Variants in LAMB1 observed in about 807,000 individuals in gnomAD.
LAMB1 encodes laminin subunit beta 1, also known as laminin subunit beta-1.
Under a neutral mutation model 222.3 loss-of-function variants are expected in LAMB1, and 121 were observed. The observed-to-expected ratio is 0.54, with a 90% CI of 0.47 to 0.63. LAMB1 has a LOEUF of 0.63. Ranked by LOEUF, LAMB1 falls within the 30% of genes least tolerant of loss-of-function variation. The pLI, the probability that LAMB1 is intolerant of heterozygous loss-of-function variation, is 0.00. For synonymous variants in LAMB1, 794 were observed against 807.2 expected, an observed-to-expected ratio of 0.98 and a Z score of 0.28; for missense variants, 2,172 against 2,240.8, an observed-to-expected ratio of 0.97 and a Z score of 0.62.
chr7:107,966,786 G>A (rs1338170001), intron 13 of LAMB1, among the ~76,000 whole-genome samples: 4 of 152,186 alleles, frequency 2.6e-5, no homozygotes, highest in Admixed American at 6.5e-5. Context: ...GGACAAAGGC[G>A]CCAGCAGGCT....
intron 2 of LAMB1, chr7:108,002,403 A>G (rs537217326): frequency 2.3e-6 from 3 of 1,314,268 alleles, no homozygotes; most frequent in Admixed American, 4.8e-5. Flanking sequence ...ATCCGGAGAC[A>G]AACAGAGATG....
intron 14 of LAMB1, 137 bp downstream of exon 14, chr7:107,964,415 C>T: frequency 1.0e-6 from 1 of 995,828 alleles, no homozygotes; most frequent in Non-Finnish European, 1.5e-6. Flanking sequence ...CTCAGGAAGG[C>T]ATGGTCCTGA....
rs1231099629 is a variant in LAMB1 at position 107,952,001 on chromosome 7, C to T, written c.3294+8G>A. The stretch of plus-strand genomic sequence containing the variant: ...ATAAAGGCATCATCCCCAGCAGCAG[C>T]CCCTCACCTCATTGCAAGATGGCCC... On this transcript the variant is annotated splice_region_variant and intron_variant, in intron 23 of 33. Coordinates refer to ENST00000222399, the MANE Select transcript of LAMB1 (RefSeq NM_002291.3). 8.1e-6 allele frequency: 13 copies of T among 1,603,576 alleles called. No individual in the cohort carries two copies. In the Admixed American group the frequency reaches 2.2e-4, roughly 27 times the overall value.
chr7:108,001,669 G>A lies in LAMB1; in HGVS notation c.102C>T (p.Ser34=). ...GAAGGTCGCCCGTGGCGGGATAGCAGCTGCCTTCTGCGCAGCCGTAGCTGA... is the reference window on the plus strand; with the variant it reads ...GAAGGTCGCCCGTGGCGGGATAGCAACTGCCTTCTGCGCAGCCGTAGCTGA... ...PEFSYGCAEG[S]CYPATGDLLI... Residue 34 remains serine (S), a synonymous_variant, in exon 3 of 34, where the codon AGC becomes AGT. Transcript: ENST00000222399. The A allele has an allele frequency of 6.2e-7, 1 of 1,612,340 alleles. No individual in the cohort carries two copies. Among genetic ancestry groups the A allele is most frequent in the Non-Finnish European group, 8.5e-7 (1 of 1,179,700 alleles).
At chr7:107,935,353 T>TTG in intron 27 of LAMB1, 62 bp downstream of exon 27, 1 of 428,068 alleles carries the variant, frequency 2.3e-6, no homozygotes, top group Non-Finnish European at 3.0e-6. Context: ...CTTTGTTTTT[T>TTG]TTTTTTTTTT....
At chr7:107,972,948 T>C in intron 13 of LAMB1, 44 bp downstream of exon 13, 1 of 1,472,768 alleles carries the variant, frequency 6.8e-7, no homozygotes, top group Non-Finnish European at 9.5e-7. Context: ...GTCATGACTT[T>C]CCTGGAAGAC....
intron 32 of LAMB1, 107 bp downstream of exon 32, chr7:107,926,076 A>G (rs1243130559): frequency 1.0e-5 from 8 of 790,350 alleles, no homozygotes; most frequent in Non-Finnish European, 1.6e-5. Context: ...GATATTTCTG[A>G]TGAATTCTGT....
intron 3 of LAMB1, 79 bp downstream of exon 3, chr7:108,001,479 G>A: frequency 1.4e-6 from 2 of 1,412,592 alleles, no homozygotes; most frequent in Admixed American, 2.7e-5. Flanking sequence ...GGAAGGATGC[G>A]GAGTCCCCAG....
intron 7 of LAMB1, among the ~76,000 whole-genome samples, chr7:107,983,572 A>C (rs1274156474): frequency 1.6e-5 from 1 of 62,146 alleles, no homozygotes; most frequent in African/African-American, 7.1e-5. Flanking sequence ...TTTTTTTTTG[A>C]GACAGAGTCT....
chr7:107,945,862 TG>T (rs1318960930), intron 24 of LAMB1, among the ~76,000 whole-genome samples: 2 of 152,238 alleles, frequency 1.3e-5, no homozygotes, highest in Non-Finnish European at 2.9e-5. Flanking sequence ...CCTTCCCTAA[TG>T]ACTCCATTTC....
intron 4 of LAMB1, among the ~76,000 whole-genome samples, chr7:107,996,413 C>T (rs982210008): frequency 6.6e-6 from 1 of 152,176 alleles, no homozygotes; most frequent in Non-Finnish European, 1.5e-5. Flanking sequence ...AATAGTCGTA[C>T]ATTCCAAGCT....
Position 107,980,589 on chromosome 7 carries a change from T to C in LAMB1, c.879+20A>G. 2 of 1,592,432 alleles carry C rather than the reference T, an allele frequency of 1.3e-6. No homozygotes were observed. Among genetic ancestry groups the C allele is most frequent in the Non-Finnish European group, 1.7e-6 (2 of 1,161,206 alleles). ...TTACCAGCCACATAAAGGAGAAAGG[T>C]GCACAGAGGGCTTACTTACCATTCC... On this transcript the variant is annotated intron_variant, in intron 8 of 33. Coordinates refer to ENST00000222399, the MANE Select transcript of LAMB1 (RefSeq NM_002291.3).
At chr7:108,000,631 C>T (rs571799727) in intron 3 of LAMB1, among the ~76,000 whole-genome samples, 2 of 152,340 alleles carry the variant, frequency 1.3e-5, no homozygotes, top group African/African-American at 4.8e-5. Context: ...GCAGCCTCGA[C>T]CTACTGGGCT....
rs772311749 is a variant in LAMB1 at position 107,994,938 on chromosome 7, T to C, written c.372A>G (p.Gln124=). ...AATGGAATTCTGCTTCCAAATCCAG[T>C]TGGATAGTTACATTTTCCACACCTA... The part of the protein sequence containing the change: ...SENGVENVTI[Q]LDLEAEFHFT... Residue 124 remains glutamine, a synonymous_variant, in exon 5 of 34, where the codon CAA becomes CAG. Coordinates refer to ENST00000222399, the MANE Select transcript of LAMB1 (RefSeq NM_002291.3). 1.9e-6 allele frequency: 3 copies of C among 1,600,758 alleles called. No homozygotes were observed. In the South Asian group the frequency reaches 3.3e-5, roughly 18 times the overall value.
intron 16 of LAMB1, 93 bp from the exon 17 acceptor site, chr7:107,961,422 T>A: frequency 1.3e-6 from 2 of 1,575,178 alleles, no homozygotes; most frequent in Non-Finnish European, 1.7e-6. Context: ...CATCGATAAT[T>A]CCAAAGGAAA....
At chr7:107,974,899 G>A (rs989553000) in intron 12 of LAMB1, 87 bp downstream of exon 12, 21 of 774,956 alleles carry the variant, frequency 2.7e-5, no homozygotes, top group South Asian at 1.3e-4. Context: ...GAGGGTGATC[G>A]CAGACTCTAC....
At chr7:107,934,019 G>A (rs1259856007) in intron 27 of LAMB1, among the ~76,000 whole-genome samples, 1 of 152,084 alleles carries the variant, frequency 6.6e-6, no homozygotes, top group Non-Finnish European at 1.5e-5. Context: ...TGTAAGGAAG[G>A]AATCAATGCT....
intron 2 of LAMB1, chr7:108,002,440 C>T: frequency 7.7e-7 from 1 of 1,306,094 alleles, no homozygotes; most frequent in Non-Finnish European, 1.0e-6. Context: ...TGGCCCCCAT[C>T]TGTTCCCAGA....
Position 107,960,435 on chromosome 7 carries a change from C to T in LAMB1, c.2314+10G>A. 1 of 1,609,612 alleles carries T rather than the reference C, an allele frequency of 6.2e-7. No homozygotes were observed. Among genetic ancestry groups the T allele is most frequent in the South Asian group, 1.1e-5 (1 of 90,966 alleles). On this transcript the variant is annotated intron_variant, in intron 18 of 33. Transcript: ENST00000222399. ...AACAGCAGCTGCTGCAGCTGCCCAG[C>T]AATACCTACCCAGGCCTGTCTGGTG...
Sources: allele counts gnomAD v4.1 joint callset (sites outside exome capture counted in the v4.1 genomes callset), GRCh38; gene constraint gnomAD v4.1.1; transcripts MANE v1.5; gene names NCBI Gene and HGNC (gene_info 2026-07-23, HGNC 2026-07-21).